Variants in TMEM135 observed in about 807,000 individuals in gnomAD.
TMEM135 encodes the protein transmembrane protein 135.
A neutral mutation model predicts 60.3 loss-of-function variants in TMEM135; 30 were observed. That is an observed-to-expected ratio of 0.50 (90% CI 0.37 to 0.68). The LOEUF is 0.68. Among genes scored for constraint, TMEM135 ranks in the 30% least tolerant of loss-of-function variants. The pLI, the probability that TMEM135 is intolerant of heterozygous loss-of-function variation, is 0.00. For missense variants in TMEM135, 468 were observed against 548.8 expected (o/e 0.85, Z 1.47); for synonymous variants, 190 against 186.7 (o/e 1.02, Z -0.14).
chr11:87,160,921 A>T (rs1033005199), intron 5 of TMEM135, among the ~76,000 whole-genome samples: 7 of 152,144 alleles, frequency 4.6e-5, no homozygotes, highest in African/African-American at 1.7e-4. Context: ...TGTTTTTGAG[A>T]TGGAGTCTCA....
chr11:87,086,435 A>G (rs771987635), intron 3 of TMEM135, among the ~76,000 whole-genome samples: 11 of 152,124 alleles, frequency 7.2e-5, no homozygotes, highest in Non-Finnish European at 1.0e-4. Flanking sequence ...TCCGTGTCCA[A>G]GAAGAATTAG....
chr11:87,166,162 A>T (rs1011550161), intron 5 of TMEM135, among the ~76,000 whole-genome samples: 1 of 151,680 alleles, frequency 6.6e-6, no homozygotes, highest in Non-Finnish European at 1.5e-5. Context: ...CCACTTTTTG[A>T]TGGGGCTGTT....
Position 87,318,159 on chromosome 11 carries a change from A to C in TMEM135, c.1100A>C (p.Glu367Ala), listed in dbSNP as rs1225043888. 3.1e-6 allele frequency: 5 copies of C among 1,612,826 alleles called. No homozygotes were observed. Among genetic ancestry groups the C allele is most frequent in the Non-Finnish European group, 4.2e-6 (5 of 1,179,606 alleles). ...CAGACAATGTATTTCAAAGGCATTGAAGCAGGGAAGGTTCCCTATTTTCCT... is the reference window on the plus strand; with the variant it reads ...CAGACAATGTATTTCAAAGGCATTGCAGCAGGGAAGGTTCCCTATTTTCCT... ...LVETMYFKGI[E>A]AGKVPYFPHA... The change falls in exon 13 of 15, where the codon GAA (glutamate) becomes GCA (alanine). Residue 367 changes from glutamate (E) to alanine (A), a missense_variant. By Grantham distance (107) the Glu-to-Ala change is moderately radical. Coordinates refer to ENST00000305494, the MANE Select transcript of TMEM135 (RefSeq NM_022918.4).
intron 4 of TMEM135, among the ~76,000 whole-genome samples, chr11:87,126,995 A>G (rs1039472053): frequency 1.3e-5 from 2 of 151,996 alleles, no homozygotes; most frequent in East Asian, 3.9e-4. Context: ...AAGTGTAGAT[A>G]AAAAAGTCTG....
intron 4 of TMEM135, among the ~76,000 whole-genome samples, chr11:87,116,630 T>TACAC (rs869034979): frequency 3.3e-5 from 3 of 90,722 alleles, no homozygotes; most frequent in Admixed American, 1.3e-4. Flanking sequence ...CACACACACA[T>TACAC]ACACACACAC....
intron 1 of TMEM135, among the ~76,000 whole-genome samples, chr11:87,066,545 A>C (rs960113418): frequency 6.7e-6 from 1 of 149,326 alleles, no homozygotes; most frequent in African/African-American, 2.5e-5. Flanking sequence ...AAATTATTTC[A>C]GGGCCTTTTT....
At chr11:87,182,288 A>G (rs1368223955) in intron 5 of TMEM135, among the ~76,000 whole-genome samples, 1 of 152,138 alleles carries the variant, frequency 6.6e-6, no homozygotes, top group African/African-American at 2.4e-5. Context: ...AAAAAGGAAC[A>G]AAAGCTCTCT....
rs1442389917 is a variant in TMEM135 at position 87,199,953 on chromosome 11, G to T, written c.463-36685G>T. ...TCATAAATAAATAAATACATAACTT[G>T]GGTTTGTAAAGCCATTAGAGAAATT... On this transcript the variant is annotated intron_variant, in intron 5 of 14. Coordinates refer to ENST00000305494, the MANE Select transcript of TMEM135 (RefSeq NM_022918.4). 2.0e-5 allele frequency among the ~76,000 whole-genome samples: 3 copies of T among 151,962 alleles called. No individual in the cohort carries two copies. The East Asian group carries it at 5.8e-4, about 29-fold the overall frequency.
intron 5 of TMEM135, among the ~76,000 whole-genome samples, chr11:87,222,386 T>A (rs1305048025): frequency 2.0e-5 from 3 of 148,128 alleles, no homozygotes; most frequent in Non-Finnish European, 4.5e-5. Flanking sequence ...TAGTCCCAGC[T>A]ACTCGGGAGG....
At chr11:87,110,529 T>C (rs1244518739) in intron 4 of TMEM135, among the ~76,000 whole-genome samples, 1 of 152,170 alleles carries the variant, frequency 6.6e-6, no homozygotes, top group Non-Finnish European at 1.5e-5. Flanking sequence ...AAATCTAAAT[T>C]TTCTCATCTG....
intron 5 of TMEM135, among the ~76,000 whole-genome samples, chr11:87,182,843 A>G (rs187128870): frequency 6.6e-6 from 1 of 152,068 alleles, no homozygotes; most frequent in East Asian, 1.9e-4. Flanking sequence ...TTACTGCTAA[A>G]TATTTTAAAT....
At position 87,321,282 on chromosome 11, in the gene TMEM135, G is replaced by T. The variant is rs1293882823; in HGVS notation, c.1326G>T (p.Leu442Phe). Residue 442 changes from leucine (L) to phenylalanine (F), a missense_variant, in exon 15 of 15, where the codon TTG becomes TTT. Coordinates refer to ENST00000305494, the MANE Select transcript of TMEM135 (RefSeq NM_022918.4). ...ACTTTCAGGATTTCATCCCCAGGTT[G>T]GATCCAAGATACACAACTGTAACAC... ...SKHFQDFIPR[L>F]DPRYTTVTPE... 1.9e-6 allele frequency: 3 copies of T among 1,613,620 alleles called. No homozygotes were observed. Among genetic ancestry groups the T allele is most frequent in the Non-Finnish European group, 2.5e-6 (3 of 1,179,688 alleles).
At chr11:87,112,630 C>G (rs1473732569) in intron 4 of TMEM135, among the ~76,000 whole-genome samples, 2 of 151,866 alleles carry the variant, frequency 1.3e-5, no homozygotes, top group Non-Finnish European at 2.9e-5. Context: ...TATTATAATA[C>G]TAAAATGTAA....
At chr11:87,318,410 A>G (rs1006895956) in intron 13 of TMEM135, among the ~76,000 whole-genome samples, 175 bp downstream of exon 13, 2 of 151,704 alleles carry the variant, frequency 1.3e-5, no homozygotes. Context: ...GCTTCTAATC[A>G]TTAATGTTAA....
At chr11:87,203,764 A>G (rs1035741310) in intron 5 of TMEM135, among the ~76,000 whole-genome samples, 5 of 152,178 alleles carry the variant, frequency 3.3e-5, no homozygotes, top group African/African-American at 1.2e-4. Context: ...AATATGTTTA[A>G]TTTTGTAAGA....
chr11:87,327,967 T>G lies in TMEM135; in HGVS notation c.*6634T>G, dbSNP rs976417288. On this transcript the variant is annotated 3_prime_UTR_variant, in exon 15 of 15. Transcript: ENST00000305494. The stretch of plus-strand genomic sequence containing the variant: ...GCCCATATTGAGGGCAGATCTTCTC[T>G]GCCTAGTCCACGCTAACTCACATGC... The G allele has an allele frequency of 1.5e-5, 7 of 453,934 alleles. No homozygotes were observed. The highest frequency in any genetic ancestry group is 2.6e-5 in the Non-Finnish European group (6 of 226,794). The allele number at this position is 453,934 out of a possible 1,614,324, so 28.1% of individuals were successfully genotyped here. A position where few individuals can be genotyped will look rare whatever the true frequency, so the allele number is the denominator to read the frequency against.
chr11:87,200,657 C>T (rs1940073096), intron 5 of TMEM135, among the ~76,000 whole-genome samples: 1 of 152,160 alleles, frequency 6.6e-6, no homozygotes, highest in South Asian at 2.1e-4. Flanking sequence ...AGGATTCACT[C>T]TTGGTATTGT....
At chr11:87,248,296 G>T (rs369824345) in intron 6 of TMEM135, among the ~76,000 whole-genome samples, 2 of 152,164 alleles carry the variant, frequency 1.3e-5, no homozygotes, top group East Asian at 1.9e-4. Flanking sequence ...CATAGTGGTT[G>T]TACTAATTTA....
At chr11:87,290,648 T>C (rs577017122) in intron 6 of TMEM135, among the ~76,000 whole-genome samples, 9 of 152,336 alleles carry the variant, frequency 5.9e-5, no homozygotes, top group South Asian at 2.1e-4. Context: ...AATGATAACA[T>C]TGAGCTTCTT....
Sources: gnomAD v4.1 joint callset for allele counts (sites outside exome capture counted in the v4.1 genomes callset) on GRCh38, gnomAD v4.1.1 for gene constraint, MANE v1.5 for transcripts, NCBI Gene and HGNC (gene_info 2026-07-23, HGNC 2026-07-21) for gene names.